Variants in NAALADL2 observed in about 807,000 individuals in gnomAD.
NAALADL2 encodes the protein N-acetylated alpha-linked acidic dipeptidase like 2.
In NAALADL2, 76 loss-of-function variants were observed where a neutral mutation model predicts 87.2. The observed-to-expected ratio is 0.87, with a 90% CI of 0.72 to 1.05. NAALADL2 has a LOEUF of 1.05. Ranked by LOEUF, NAALADL2 falls within the 50% of genes least tolerant of loss-of-function variation. The probability of loss-of-function intolerance (pLI) is 0.00; values close to 1 mark genes in which losing one functional copy is unlikely to be tolerated. For missense variants in NAALADL2, 1,089 were observed against 945.8 expected (o/e 1.15, Z -1.99); for synonymous variants, 354 against 331.0 (o/e 1.07, Z -0.75).
chr3:175,463,042 T>C (rs531441088), intron 6 of NAALADL2, among the ~76,000 whole-genome samples: 1 of 152,352 alleles, frequency 6.6e-6, no homozygotes, highest in East Asian at 1.9e-4. Flanking sequence ...TATTTTAATC[T>C]ATTTTTTTCT....
chr3:175,771,755 A>G (rs547438678), intron 13 of NAALADL2, among the ~76,000 whole-genome samples: 63 of 152,310 alleles, frequency 4.1e-4, no homozygotes, highest in African/African-American at 1.3e-3. Flanking sequence ...ATCCGTAATC[A>G]CATCTGTATT....
At chr3:175,427,075 G>A (rs1489053257) in intron 5 of NAALADL2, among the ~76,000 whole-genome samples, 1 of 152,132 alleles carries the variant, frequency 6.6e-6, no homozygotes, top group South Asian at 2.1e-4. Flanking sequence ...TTCACTTCTG[G>A]TAGCCTAAGG....
chr3:175,775,928 A>G (rs1750171446), intron 13 of NAALADL2, among the ~76,000 whole-genome samples: 1 of 152,142 alleles, frequency 6.6e-6, no homozygotes, highest in Non-Finnish European at 1.5e-5. Context: ...ATTTTAACTG[A>G]GCCAGCTACA....
At chr3:175,786,653 T>C (rs1167520384) in intron 13 of NAALADL2, among the ~76,000 whole-genome samples, 2 of 152,304 alleles carry the variant, frequency 1.3e-5, no homozygotes, top group East Asian at 1.9e-4. Flanking sequence ...GAATGTCCTC[T>C]CGTAGCTCAG....
chr3:175,293,195 G>A (rs944402692), intron 4 of NAALADL2, among the ~76,000 whole-genome samples: 2 of 152,074 alleles, frequency 1.3e-5, no homozygotes, highest in Non-Finnish European at 2.9e-5. Context: ...ATTTATGTAA[G>A]TAGACAGGCT....
intron 5 of NAALADL2, among the ~76,000 whole-genome samples, chr3:175,371,712 T>G (rs1766527296): frequency 6.6e-6 from 1 of 151,472 alleles, no homozygotes; most frequent in African/African-American, 2.4e-5. Flanking sequence ...TAATCCCAGC[T>G]ACTCAGGAGG....
chr3:174,840,602 C>T (rs546088138), intron 3 of NAALADL2, among the ~76,000 whole-genome samples: 3 of 152,252 alleles, frequency 2.0e-5, no homozygotes, highest in African/African-American at 7.2e-5. Flanking sequence ...GTGAGCTCCT[C>T]ATTGCCCAAG....
chr3:175,258,096 C>T (rs1452999993), intron 4 of NAALADL2, among the ~76,000 whole-genome samples: 1 of 151,970 alleles, frequency 6.6e-6, no homozygotes, highest in African/African-American at 2.4e-5. Context: ...AGCACGAGGT[C>T]AGGAGATTGA....
chr3:175,134,958 T>C (rs887767808), intron 2 of NAALADL2, among the ~76,000 whole-genome samples: 4 of 152,172 alleles, frequency 2.6e-5, no homozygotes, highest in African/African-American at 7.2e-5. Flanking sequence ...TATATCCACA[T>C]AGAGTGAAAA....
At chr3:175,122,421 A>T (rs189503037) in intron 2 of NAALADL2, among the ~76,000 whole-genome samples, 1 of 152,012 alleles carries the variant, frequency 6.6e-6, no homozygotes, top group East Asian at 1.9e-4. Flanking sequence ...ATTGAGATGT[A>T]AAATATTAAG....
chr3:174,969,984 G>T (rs991795177), intron 1 of NAALADL2, among the ~76,000 whole-genome samples: 3 of 152,218 alleles, frequency 2.0e-5, no homozygotes, highest in African/African-American at 7.2e-5. Flanking sequence ...CAGATGTTGA[G>T]CTGATTAAAA....
At chr3:175,726,548 C>A (rs566155303) in intron 11 of NAALADL2, among the ~76,000 whole-genome samples, 1 of 152,156 alleles carries the variant, frequency 6.6e-6, no homozygotes, top group Non-Finnish European at 1.5e-5. Context: ...AGGTTTTCTC[C>A]AGCAAGGTTA....
chr3:175,746,429 C>T (rs1306080156), intron 12 of NAALADL2, among the ~76,000 whole-genome samples: 1 of 150,604 alleles, frequency 6.6e-6, no homozygotes, highest in East Asian at 2.0e-4. Flanking sequence ...AAGCACCGTA[C>T]AGTTTGCCTG....
chr3:174,962,433 G>GTCATAGTCACTATGACA (rs1742245895), intron 1 of NAALADL2, among the ~76,000 whole-genome samples: 2 of 52,240 alleles, frequency 3.8e-5, no homozygotes, highest in African/African-American at 6.4e-5. Flanking sequence ...ATATATATAT[G>GTCATAGTCACTATGACA]TATATTTTTA....
intron 6 of NAALADL2, among the ~76,000 whole-genome samples, chr3:175,450,405 T>G (rs967012897): frequency 1.3e-5 from 2 of 152,192 alleles, no homozygotes; most frequent in South Asian, 4.1e-4. Context: ...AAATCTTCAC[T>G]CAACAAGTTG....
chr3:175,207,195 A>G (rs564784983), intron 2 of NAALADL2, among the ~76,000 whole-genome samples: 5 of 152,150 alleles, frequency 3.3e-5, no homozygotes, highest in African/African-American at 7.2e-5. Context: ...GACCAAGTCA[A>G]TTGTTGCAAG....
intron 1 of NAALADL2, among the ~76,000 whole-genome samples, chr3:175,078,285 A>G (rs958457232): frequency 1.3e-5 from 2 of 152,130 alleles, no homozygotes; most frequent in Non-Finnish European, 2.9e-5. Flanking sequence ...TTGGCCTCCC[A>G]AATATTGCTG....
At chr3:175,082,674 C>T (rs2109255447) in intron 1 of NAALADL2, among the ~76,000 whole-genome samples, 1 of 152,242 alleles carries the variant, frequency 6.6e-6, no homozygotes, top group African/African-American at 2.4e-5. Flanking sequence ...TAAAGAATAA[C>T]TAAAAATATT....
intron 2 of NAALADL2, among the ~76,000 whole-genome samples, chr3:174,598,415 G>A (rs1454485531): frequency 6.6e-6 from 1 of 152,012 alleles, no homozygotes; most frequent in East Asian, 1.9e-4. Flanking sequence ...ACTTAATTAG[G>A]TCTGTGCTAA....
Sources: allele counts gnomAD v4.1 joint callset (sites outside exome capture counted in the v4.1 genomes callset), GRCh38; gene constraint gnomAD v4.1.1; transcripts MANE v1.5; gene names NCBI Gene and HGNC (gene_info 2026-07-23, HGNC 2026-07-21).